Variants in SLCO3A1 observed in about 807,000 individuals in gnomAD.
The protein encoded by SLCO3A1 is PGE1 transporter.
Under a neutral mutation model 63.1 loss-of-function variants are expected in SLCO3A1, and 27 were observed. The observed-to-expected ratio is 0.43, with a 90% CI of 0.32 to 0.59. SLCO3A1 has a LOEUF of 0.59. SLCO3A1 is among the 20% of genes least tolerant of loss of function. The pLI, the probability that SLCO3A1 is intolerant of heterozygous loss-of-function variation, is 0.09. For missense variants in SLCO3A1, 773 were observed against 945.8 expected (o/e 0.82, Z 2.40); for synonymous variants, 473 against 409.9 (o/e 1.15, Z -1.86).
chr15:91,938,571 G>C (rs541821686), intron 2 of SLCO3A1, among the ~76,000 whole-genome samples: 11 of 151,454 alleles, frequency 7.3e-5, no homozygotes, highest in African/African-American at 2.4e-4. Context: ...CATGTGTCAG[G>C]CTACTCTGAA....
chr15:92,032,631 T>C (rs2046667186), intron 2 of SLCO3A1, among the ~76,000 whole-genome samples: 1 of 139,748 alleles, frequency 7.2e-6, no homozygotes, highest in South Asian at 2.2e-4. Flanking sequence ...CTCTGGGTTT[T>C]GGCAGAAAGC....
chr15:91,925,298 G>A (rs1175635494), intron 2 of SLCO3A1, among the ~76,000 whole-genome samples: 1 of 152,116 alleles, frequency 6.6e-6, no homozygotes, highest in Non-Finnish European at 1.5e-5. Flanking sequence ...TGGCATGAAC[G>A]GTTTGGTTTC....
At chr15:91,944,047 C>G (rs1310309840) in intron 2 of SLCO3A1, among the ~76,000 whole-genome samples, 1 of 152,156 alleles carries the variant, frequency 6.6e-6, no homozygotes, top group African/African-American at 2.4e-5. Flanking sequence ...CACATCTTGT[C>G]TGATATAATT....
chr15:91,880,154 C>T (rs143369568), intron 1 of SLCO3A1, among the ~76,000 whole-genome samples: 10,425 of 129,850 alleles, frequency 0.08, 551 homozygotes, highest in Middle Eastern at 0.11. Context: ...TCCATCCATC[C>T]ATCCATCCAT....
chr15:92,153,093 A>G (rs948664542), intron 9 of SLCO3A1, among the ~76,000 whole-genome samples: 4 of 152,224 alleles, frequency 2.6e-5, no homozygotes, highest in African/African-American at 9.7e-5. Context: ...AGCAGTTTCA[A>G]TATCTGTATG....
At chr15:91,864,242 G>A (rs917528062) in intron 1 of SLCO3A1, among the ~76,000 whole-genome samples, 7 of 152,306 alleles carry the variant, frequency 4.6e-5, no homozygotes, top group Middle Eastern at 3.4e-3. Flanking sequence ...TAGAATCTCT[G>A]CATTCATTGC....
chr15:91,907,849 G>T (rs897291566), intron 1 of SLCO3A1, among the ~76,000 whole-genome samples: 6 of 152,152 alleles, frequency 3.9e-5, no homozygotes, highest in Non-Finnish European at 7.4e-5. Flanking sequence ...TCTAAGGAAA[G>T]CCAGGCCGAC....
intron 1 of SLCO3A1, among the ~76,000 whole-genome samples, chr15:91,896,228 A>T (rs765818139): frequency 6.6e-6 from 1 of 152,200 alleles, no homozygotes; most frequent in Non-Finnish European, 1.5e-5. Flanking sequence ...GCATAAGCAT[A>T]TGCACCTCTC....
chr15:92,080,370 T>G (rs2047328612), intron 2 of SLCO3A1, among the ~76,000 whole-genome samples: 2 of 151,216 alleles, frequency 1.3e-5, no homozygotes. Context: ...ACAATTATTA[T>G]GGCAAGCCCA....
intron 2 of SLCO3A1, among the ~76,000 whole-genome samples, chr15:92,048,257 A>C (rs1377058253): frequency 6.6e-6 from 1 of 151,992 alleles, no homozygotes; most frequent in African/African-American, 2.4e-5. Flanking sequence ...GGGACCTGGC[A>C]CCCACTTCTG....
intron 2 of SLCO3A1, among the ~76,000 whole-genome samples, chr15:91,936,109 C>T (rs958647306): frequency 2.6e-5 from 4 of 152,130 alleles, no homozygotes; most frequent in Non-Finnish European, 5.9e-5. Flanking sequence ...CTCCCAGATA[C>T]AACGGGAATG....
chr15:92,097,682 T>A (rs1007972125), intron 3 of SLCO3A1, among the ~76,000 whole-genome samples: 1 of 152,194 alleles, frequency 6.6e-6, no homozygotes, highest in Non-Finnish European at 1.5e-5. Flanking sequence ...TTCCAAAGAA[T>A]GCAAGGTGCA....
chr15:91,981,352 C>T (rs762389185), intron 2 of SLCO3A1, among the ~76,000 whole-genome samples: 48 of 152,270 alleles, frequency 3.2e-4, no homozygotes, highest in Non-Finnish European at 5.9e-4. Flanking sequence ...AGTGTAAACT[C>T]GTCCTGTGAG....
At chr15:91,893,303 G>A (rs1897917784) in intron 1 of SLCO3A1, among the ~76,000 whole-genome samples, 1 of 152,158 alleles carries the variant, frequency 6.6e-6, no homozygotes, top group Non-Finnish European at 1.5e-5. Context: ...GATTCACTTG[G>A]TCTGTGTCAT....
rs1352108418 is a variant in SLCO3A1, at chr15:91,854,298, G to A, written c.180+210G>A. On this transcript the variant is annotated intron_variant, in intron 1 of 9. Coordinates refer to ENST00000318445, the MANE Select transcript of SLCO3A1 (RefSeq NM_013272.4). This position sits in a 1 kb window ranked among gnomAD's most constrained non-coding sequence, Gnocchi z 6.4. ...GCGGGTAGCGGGCGGGACCGTTGAT[G>A]CCGGTAGCAGCTCGCGCGCGTCCGG... 1.7e-6 allele frequency: 2 copies of A among 1,156,790 alleles called. No individual in the cohort carries two copies. Among genetic ancestry groups the A allele is most frequent in the East Asian group, 4.1e-5 (1 of 24,582 alleles). The allele number at this position is 1,156,790 out of a possible 1,614,324, so 71.7% of individuals were successfully genotyped here. A position where few individuals can be genotyped will look rare whatever the true frequency, so the allele number is the denominator to read the frequency against.
intron 1 of SLCO3A1, among the ~76,000 whole-genome samples, chr15:91,907,946 G>C (rs1370230485): frequency 2.6e-5 from 4 of 152,088 alleles, no homozygotes; most frequent in African/African-American, 4.8e-5. Context: ...GAGGCCCAGA[G>C]AGAGAGAGCC....
chr15:91,884,531 G>T (rs1173137295), intron 1 of SLCO3A1, among the ~76,000 whole-genome samples: 1 of 127,458 alleles, frequency 7.8e-6, no homozygotes, highest in Non-Finnish European at 1.7e-5. Flanking sequence ...AAAAAAAAAA[G>T]GTGGAGGGGA....
intron 2 of SLCO3A1, among the ~76,000 whole-genome samples, chr15:91,955,896 T>C (rs1462777762): frequency 6.6e-6 from 1 of 152,206 alleles, no homozygotes; most frequent in African/African-American, 2.4e-5. Flanking sequence ...GAGTTCATAA[T>C]GCCTAGACAG....
chr15:91,991,892 T>C (rs963685096), intron 2 of SLCO3A1, among the ~76,000 whole-genome samples: 3 of 152,150 alleles, frequency 2.0e-5, no homozygotes, highest in East Asian at 1.9e-4. Context: ...ATAAGTTGAA[T>C]TGGGGGTAAT....
Sources: allele counts gnomAD v4.1 joint callset (sites outside exome capture counted in the v4.1 genomes callset), GRCh38; gene constraint gnomAD v4.1.1; non-coding constraint Gnocchi (gnomAD v3.1); transcripts MANE v1.5; gene names NCBI Gene and HGNC (gene_info 2026-07-23, HGNC 2026-07-21).